The following SFMBT2 variants were observed in gnomAD, a reference collection of about 807,000 sequenced individuals.
SFMBT2 encodes the protein scm-like with four MBT domains protein 2.
Under a neutral mutation model 110.1 loss-of-function variants are expected in SFMBT2, and 38 were observed. That is an observed-to-expected ratio of 0.35 (90% CI 0.27 to 0.45). The LOEUF (loss-of-function observed/expected upper bound fraction) is 0.45, where lower values mean the gene tolerates loss of function less well. SFMBT2 is among the 20% of genes least tolerant of loss of function. The pLI is 1.00. For missense variants in SFMBT2, 1,011 were observed against 1,094.9 expected, an observed-to-expected ratio of 0.92 and a Z score of 1.08; for synonymous variants, 425 against 425.4, an observed-to-expected ratio of 1.00 and a Z score of 0.01.
At chr10:7,177,473 A>G (rs558784812) in intron 16 of SFMBT2, among the ~76,000 whole-genome samples, 12 of 152,264 alleles carry the variant, frequency 7.9e-5, no homozygotes, top group Admixed American at 4.6e-4. Flanking sequence ...ATAACCCCCG[A>G]TAGGACTGTA....
intron 11 of SFMBT2, among the ~76,000 whole-genome samples, chr10:7,212,307 A>G (rs1260688833): frequency 6.6e-6 from 1 of 152,252 alleles, no homozygotes; most frequent in African/African-American, 2.4e-5. Context: ...TGTATCTTAA[A>G]TCGCTATTTC....
chr10:7,185,436 C>T (rs779409988), intron 16 of SFMBT2, among the ~76,000 whole-genome samples: 2 of 152,180 alleles, frequency 1.3e-5, no homozygotes, highest in Non-Finnish European at 1.5e-5. Flanking sequence ...AAGACAAATG[C>T]TTGCGTAAAA....
intron 4 of SFMBT2, among the ~76,000 whole-genome samples, chr10:7,303,223 G>T (rs966187460): frequency 6.6e-6 from 1 of 152,154 alleles, no homozygotes; most frequent in Non-Finnish European, 1.5e-5. Context: ...GAAAAATGAA[G>T]CTTTACTACT....
intron 9 of SFMBT2, among the ~76,000 whole-genome samples, chr10:7,235,410 T>C (rs940510166): frequency 6.6e-6 from 1 of 151,870 alleles, no homozygotes; most frequent in Admixed American, 6.6e-5. Context: ...GGCAGAGAAA[T>C]GAACTTTAAT....
intron 4 of SFMBT2, among the ~76,000 whole-genome samples, chr10:7,364,702 G>A (rs1014363931): frequency 5.3e-5 from 8 of 152,272 alleles, no homozygotes; most frequent in South Asian, 2.1e-4. Context: ...TAAAACCGTC[G>A]GCAACAAGGA....
intron 4 of SFMBT2, among the ~76,000 whole-genome samples, chr10:7,315,602 T>C (rs984583701): frequency 1.3e-5 from 2 of 152,216 alleles, no homozygotes; most frequent in Admixed American, 6.5e-5. Flanking sequence ...TAGGGACTTG[T>C]CAGCCTCCAT....
At chr10:7,335,234 G>A (rs1401713193) in intron 4 of SFMBT2, among the ~76,000 whole-genome samples, 2 of 152,184 alleles carry the variant, frequency 1.3e-5, no homozygotes, top group African/African-American at 2.4e-5. Context: ...GCACGACAAC[G>A]TGAATATAAT....
Position 7,367,804 on chromosome 10 carries a change from G to A in SFMBT2, c.281C>T (p.Ala94Val), listed in dbSNP as rs1844953926. The A allele has an allele frequency of 6.2e-7, 1 of 1,614,158 alleles. No homozygotes were observed. The highest frequency in any genetic ancestry group is 1.3e-5 in the African/African-American group (1 of 75,040). ...CTGCCCGCACGTGGTAATGATCGTG[G>A]CCACCCAGTACGTGTCCGGGTTGTT... ...NKNNPDTYWV[A>V]TIITTCGQLL... The change falls in exon 4 of 21, where the codon GCC (alanine) becomes GTC (valine). Residue 94 changes from alanine to valine, a missense_variant. Around this residue, in one of 2 missense-constraint regions of SFMBT2, gnomAD observed 979 missense variants for 1,016.1 expected, o/e 0.96. Transcript: ENST00000397167. The surrounding 1 kb of genome is among the most constrained non-coding windows in gnomAD (Gnocchi z 6.2).
At position 7,226,589 on chromosome 10, in the gene SFMBT2, T is replaced by C. The variant is rs1839902934; in HGVS notation, c.1203+1266A>G. ...AGGCTATAATCTTTTTGTCTTAACA[T>C]AAATTAACTTTCCTAACTAAAAGCA... On this transcript the variant is annotated intron_variant, in intron 10 of 20. Transcript: ENST00000397167. 2.0e-5 allele frequency among the ~76,000 whole-genome samples: 3 copies of C among 152,220 alleles called. No individual in the cohort carries two copies. In the South Asian group the frequency reaches 6.2e-4, roughly 32 times the overall value.
intron 17 of SFMBT2, among the ~76,000 whole-genome samples, chr10:7,174,063 G>A (rs190472704): frequency 3.7e-4 from 57 of 152,236 alleles, no homozygotes; most frequent in East Asian, 1.9e-4. Flanking sequence ...AAAAACTGTC[G>A]GGAAGCCGCA....
chr10:7,224,161 C>A (rs1011834646), intron 10 of SFMBT2, among the ~76,000 whole-genome samples: 1 of 152,104 alleles, frequency 6.6e-6, no homozygotes, highest in African/African-American at 2.4e-5. Flanking sequence ...TATGTTGTGG[C>A]GACTCTGGAT....
intron 4 of SFMBT2, among the ~76,000 whole-genome samples, chr10:7,288,858 C>A (rs1427074216): frequency 1.3e-5 from 2 of 149,712 alleles, no homozygotes; most frequent in Non-Finnish European, 3.0e-5. Context: ...GTGAAACCCC[C>A]CCCCCCATCT....
intron 9 of SFMBT2, among the ~76,000 whole-genome samples, chr10:7,234,765 A>C (rs1166888669): frequency 6.6e-6 from 1 of 152,088 alleles, no homozygotes; most frequent in African/African-American, 2.4e-5. Flanking sequence ...AAGAGAAGAA[A>C]ATCTCCAGAC....
intron 16 of SFMBT2, chr10:7,176,658 G>GTCCCC: frequency 4.1e-6 from 1 of 245,166 alleles, no homozygotes; most frequent in Non-Finnish European, 6.5e-6. Context: ...AAATGGGGAC[G>GTCCCC]ATTTCCATTA....
At chr10:7,317,352 G>C (rs1276268039) in intron 4 of SFMBT2, among the ~76,000 whole-genome samples, 1 of 152,094 alleles carries the variant, frequency 6.6e-6, no homozygotes. Flanking sequence ...TCCAAGCGAA[G>C]ACATATCATG....
At chr10:7,175,822 C>T (rs1838036598) in intron 17 of SFMBT2, among the ~76,000 whole-genome samples, 168 bp downstream of exon 17, 2 of 152,166 alleles carry the variant, frequency 1.3e-5, no homozygotes, top group African/African-American at 4.8e-5. Flanking sequence ...GCTAAAAACA[C>T]ATGTATCTGC....
chr10:7,364,759 C>T (rs578020745), intron 4 of SFMBT2, among the ~76,000 whole-genome samples: 5 of 152,214 alleles, frequency 3.3e-5, no homozygotes, highest in Non-Finnish European at 7.3e-5. Context: ...TCTGTGTGCC[C>T]TTCTCTTGAT....
chr10:7,220,479 T>A lies in SFMBT2; in HGVS notation c.1262A>T (p.Asn421Ile). ...GGAGGCCACACACAGTTCTCCTGGA[T>A]TCCTGGGGTTCACAGCTTCAAGTTT... ...NMKLEAVNPR[N>I]PGELCVASVV... Residue 421 changes from asparagine to isoleucine, a missense_variant, in exon 11 of 21, where the codon AAT becomes ATT. Around this residue, in one of 2 missense-constraint regions of SFMBT2, gnomAD observed 979 missense variants for 1,016.1 expected, o/e 0.96. Transcript: ENST00000397167. The A allele has an allele frequency of 6.2e-7, 1 of 1,614,090 alleles. No homozygotes were observed. Among genetic ancestry groups the A allele is most frequent in the South Asian group, 1.1e-5 (1 of 91,084 alleles).
chr10:7,206,522 C>T, intron 11 of SFMBT2: 1 of 985,426 alleles, frequency 1.0e-6, no homozygotes, highest in Non-Finnish European at 1.2e-6. Context: ...TTTGGAGTTA[C>T]TTTGTTTTGA....
Sources: gnomAD v4.1 joint callset for allele counts (sites outside exome capture counted in the v4.1 genomes callset) on GRCh38, gnomAD v4.1.1 for gene constraint, gnomAD v4.1.1 regional missense constraint, Gnocchi (gnomAD v3.1) non-coding constraint, MANE v1.5 for transcripts, NCBI Gene and HGNC (gene_info 2026-07-23, HGNC 2026-07-21) for gene names.